Variants in MAGI1 observed in about 807,000 individuals in gnomAD.
MAGI1 encodes the protein membrane associated guanylate kinase, WW and PDZ domain containing 1, also known as membrane-associated guanylate kinase, WW and PDZ domain-containing protein 1.
A neutral mutation model predicts 139.9 loss-of-function variants in MAGI1; 58 were observed. The ratio of observed to expected loss-of-function variants is 0.41; its 90% CI spans 0.34 to 0.52. The LOEUF (loss-of-function observed/expected upper bound fraction) is 0.52, where lower values mean the gene tolerates loss of function less well. Among genes scored for constraint, MAGI1 ranks in the 20% least tolerant of loss-of-function variants. The pLI is 0.12. For missense variants in MAGI1, 1,874 were observed against 1,901.6 expected (o/e 0.99, Z 0.27); for synonymous variants, 812 against 737.9 (o/e 1.10, Z -1.63).
chr3:65,696,652 G>T (rs2089220765), intron 1 of MAGI1, among the ~76,000 whole-genome samples: 1 of 151,776 alleles, frequency 6.6e-6, no homozygotes, highest in African/African-American at 2.4e-5. Context: ...ACCAAAAACA[G>T]AATTTCCTAA....
At chr3:65,881,339 T>G (rs1343878285) in intron 1 of MAGI1, among the ~76,000 whole-genome samples, 1 of 152,098 alleles carries the variant, frequency 6.6e-6, no homozygotes, top group Non-Finnish European at 1.5e-5. Context: ...CTAAATCTCT[T>G]GACAAAGCCA....
rs1475228333 is a variant in MAGI1 at position 65,729,124 on chromosome 3, G to C, written c.314-107036C>G. On this transcript the variant is annotated intron_variant, in intron 1 of 22. Transcript: ENST00000402939. ...AGCAGTTAACAAAAAATGGAACGGGGGGGGGGGGGGGGATGATATTCACTC... is the reference window on the plus strand; with the variant it reads ...AGCAGTTAACAAAAAATGGAACGGGCGGGGGGGGGGGGATGATATTCACTC... Among the ~76,000 whole-genome samples the C allele has an allele frequency of 8.8e-4, 48 of 54,414 alleles. 1 individual carries two copies. The highest frequency in any genetic ancestry group is 8.7e-4 in the Admixed American group (6 of 6,858). The allele number at this position is 54,414 out of a possible 152,430, so 35.7% of individuals were successfully genotyped here. A position where few individuals can be genotyped will look rare whatever the true frequency, so the allele number is the denominator to read the frequency against.
intron 12 of MAGI1, among the ~76,000 whole-genome samples, chr3:65,402,793 G>A (rs1341639922): frequency 6.6e-6 from 1 of 152,138 alleles, no homozygotes; most frequent in Non-Finnish European, 1.5e-5. Context: ...GAGGCATGAT[G>A]AGGATTACTC....
intron 1 of MAGI1, among the ~76,000 whole-genome samples, chr3:65,950,669 T>C (rs570899715): frequency 9.0e-4 from 137 of 152,208 alleles, no homozygotes; most frequent in African/African-American, 2.9e-3. Context: ...AATTTGTAAA[T>C]CCCTCTTCAA....
At chr3:65,532,709 C>T (rs1220963756) in intron 2 of MAGI1, 2 of 151,998 alleles carry the variant, frequency 1.3e-5, no homozygotes, top group South Asian at 2.1e-4. Context: ...GAATCTGGGT[C>T]CAGGTGATCA....
At chr3:65,431,690 T>G (rs1219141138) in intron 10 of MAGI1, among the ~76,000 whole-genome samples, 3 of 151,990 alleles carry the variant, frequency 2.0e-5, no homozygotes, top group African/African-American at 7.2e-5. Flanking sequence ...GCTGTCTTAT[T>G]TAAAATAAAT....
Position 65,429,865 on chromosome 3 carries a change from C to T in MAGI1, c.1822G>A (p.Ala608Thr), listed in dbSNP as rs141393129. The T allele has an allele frequency of 1.8e-4, 292 of 1,613,926 alleles. No homozygotes were observed. Among genetic ancestry groups the T allele is most frequent in the Non-Finnish European group, 2.4e-4 (283 of 1,179,976 alleles). ...KTGKVNGMKDARPSSPADVAS... is the reference protein window; with the variant it reads ...KTGKVNGMKDTRPSSPADVAS... ...ACGTCCGCTGGGCTGCTTGGCCTGG[C>T]ATCCTTCATGCCATTGACTTTGCCT... The change falls in exon 12 of 23, where the codon GCC becomes ACC. Residue 608 changes from alanine (A) to threonine (T), a missense_variant. This residue lies in a region of MAGI1 where 482 missense variants were observed against 509.6 expected (regional missense o/e 0.95). Transcript: ENST00000402939.
chr3:65,610,751 CAG>C (rs1559718238), intron 2 of MAGI1, among the ~76,000 whole-genome samples: 105 of 20,916 alleles, frequency 5.0e-3, no homozygotes, highest in Non-Finnish European at 8.0e-3. Flanking sequence ...AGTATATATA[CAG>C]TATATATATA....
At chr3:65,841,004 G>A (rs544261620) in intron 1 of MAGI1, among the ~76,000 whole-genome samples, 1 of 152,216 alleles carries the variant, frequency 6.6e-6, no homozygotes, top group South Asian at 2.1e-4. Context: ...GTAAGTTGTG[G>A]TAGTTTGTGC....
At chr3:65,693,782 G>A (rs966020295) in intron 1 of MAGI1, among the ~76,000 whole-genome samples, 1 of 152,088 alleles carries the variant, frequency 6.6e-6, no homozygotes, top group African/African-American at 2.4e-5. Context: ...GGAGTGCAGT[G>A]GCACGATCTT....
chr3:65,762,223 A>G (rs1166420856), intron 1 of MAGI1, among the ~76,000 whole-genome samples: 1 of 152,192 alleles, frequency 6.6e-6, no homozygotes, highest in Non-Finnish European at 1.5e-5. Context: ...CCCTCCAACG[A>G]GAATCACAAA....
chr3:65,429,551 T>G lies in MAGI1; in HGVS notation c.2136A>C (p.Gly712=). ...GTTGCACCAACAATGTGACCTCACT[T>G]CCCTTAGGACACTCAACCAGCATAT... ...VVDMLVECPK[G]SEVTLLVQRG... Residue 712 remains glycine, a synonymous_variant, in exon 12 of 23, where the codon GGA becomes GGC. Coordinates refer to ENST00000402939, the MANE Select transcript of MAGI1 (RefSeq NM_001033057.2). 1 of 1,612,930 alleles carries G rather than the reference T, an allele frequency of 6.2e-7. No homozygotes were observed. The highest frequency in any genetic ancestry group is 8.5e-7 in the Non-Finnish European group (1 of 1,179,124).
Position 65,570,070 on chromosome 3 carries a change from TATC to T in MAGI1, c.430+51899_430+51901del, listed in dbSNP as rs1388662510. 3.8e-3 allele frequency among the ~76,000 whole-genome samples: 429 copies of T among 111,640 alleles called. 3 individuals carry two copies. Among genetic ancestry groups the T allele is most frequent in the African/African-American group, 0.012 (399 of 32,610 alleles). 73.2% of individuals were successfully genotyped at this position (111,640 alleles called of 152,430 possible). A position where few individuals can be genotyped will look rare whatever the true frequency, so the allele number is the denominator to read the frequency against. ...CTACAGTGCTTCTTTCTTTCTTTATTATCATTATTATTATTATTATTATTATTA... is the reference window on the plus strand; with the variant it reads ...CTACAGTGCTTCTTTCTTTCTTTATTATTATTATTATTATTATTATTATTA... On this transcript the variant is annotated intron_variant, in intron 2 of 22. Transcript: ENST00000402939.
rs541394822 is a variant in MAGI1 at position 65,711,123 on chromosome 3, C to G, written c.314-89035G>C. Among the ~76,000 whole-genome samples the G allele has an allele frequency of 2.6e-5, 4 of 152,288 alleles. No individual in the cohort carries two copies. In the South Asian group the frequency reaches 8.3e-4, roughly 32 times the overall value. On this transcript the variant is annotated intron_variant, in intron 1 of 22. Coordinates refer to ENST00000402939, the MANE Select transcript of MAGI1 (RefSeq NM_001033057.2). The stretch of plus-strand genomic sequence containing the variant: ...CCATTCAACAACTAGTCACCAAACA[C>G]CAAGTGTGTTCTAGGTACAGTGTTA...
At chr3:65,381,179 T>C (rs555260039) in intron 16 of MAGI1, among the ~76,000 whole-genome samples, 1 of 152,320 alleles carries the variant, frequency 6.6e-6, no homozygotes, top group Non-Finnish European at 1.5e-5. Flanking sequence ...CACAATTCAC[T>C]GTCTCAAAAT....
intron 20 of MAGI1, among the ~76,000 whole-genome samples, chr3:65,363,957 T>C (rs921291544): frequency 6.6e-6 from 1 of 152,096 alleles, no homozygotes; most frequent in African/African-American, 2.4e-5. Flanking sequence ...ATGCTGGCTG[T>C]GCCCATCATG....
rs149310954 is a variant in MAGI1, at chr3:65,701,635, C to A, written c.314-79547G>T. On this transcript the variant is annotated intron_variant, in intron 1 of 22. Transcript: ENST00000402939. The stretch of plus-strand genomic sequence containing the variant: ...GCTCCCTTGAGCTTCCAAGACAGAC[C>A]CCAAATAAAGGCACTTTTATTATAG... Among the ~76,000 whole-genome samples the A allele has an allele frequency of 2.0e-3, 302 of 152,042 alleles. 1 individual carries two copies. Among genetic ancestry groups the A allele is most frequent in the African/African-American group, 6.8e-3 (282 of 41,490 alleles).
chr3:65,444,795 T>C (rs1264488282), intron 7 of MAGI1, among the ~76,000 whole-genome samples: 1 of 152,186 alleles, frequency 6.6e-6, no homozygotes, highest in African/African-American at 2.4e-5. Flanking sequence ...TCCAGTCAAC[T>C]GGCATATCTG....
intron 22 of MAGI1, chr3:65,360,982 A>T (rs1446936021): frequency 3.4e-5 from 49 of 1,440,608 alleles, no homozygotes; most frequent in Non-Finnish European, 4.5e-5. Flanking sequence ...GGCTATAAAG[A>T]TCTTGTCTTA....
Sources: gnomAD v4.1 joint callset for allele counts (sites outside exome capture counted in the v4.1 genomes callset) on GRCh38, gnomAD v4.1.1 for gene constraint, gnomAD v4.1.1 regional missense constraint, MANE v1.5 for transcripts, NCBI Gene and HGNC (gene_info 2026-07-23, HGNC 2026-07-21) for gene names.